Variants in SGK3 observed in about 807,000 individuals in gnomAD.
The protein encoded by SGK3 is serum/glucocorticoid regulated kinase family member 3.
A neutral mutation model predicts 68.5 loss-of-function variants in SGK3; 47 were observed. That is an observed-to-expected ratio of 0.69 (90% CI 0.54 to 0.87). SGK3 has a LOEUF of 0.87. Among genes scored for constraint, SGK3 ranks in the 40% least tolerant of loss-of-function variants. The probability of loss-of-function intolerance (pLI) is 0.00; values close to 1 mark genes in which losing one functional copy is unlikely to be tolerated. For synonymous variants in SGK3, 181 were observed against 189.1 expected (o/e 0.96, Z 0.35); for missense variants, 479 against 575.5 (o/e 0.83, Z 1.72).
chr8:66,779,614 TTA>T (rs1319928978), intron 1 of SGK3, among the ~76,000 whole-genome samples: 1 of 141,564 alleles, frequency 7.1e-6, no homozygotes, highest in African/African-American at 2.6e-5. Flanking sequence ...AACACATTTT[TTA>T]TATATATACG....
chr8:66,848,381 G>A (rs1810124576), intron 15 of SGK3, among the ~76,000 whole-genome samples: 1 of 152,140 alleles, frequency 6.6e-6, no homozygotes, highest in South Asian at 2.1e-4. Flanking sequence ...TCTCTGTGTA[G>A]CTTACTCTCT....
intron 3 of SGK3, among the ~76,000 whole-genome samples, chr8:66,801,154 C>A (rs1320919004): frequency 2.0e-5 from 3 of 152,122 alleles, no homozygotes; most frequent in African/African-American, 7.2e-5. Flanking sequence ...CAAATTTTTT[C>A]AAATTTTGGA....
rs143328687 is a variant in SGK3, at chr8:66,825,227, C to G, written c.417+2768C>G. On this transcript the variant is annotated intron_variant, in intron 6 of 16. Coordinates refer to ENST00000521198, the MANE Select transcript of SGK3 (RefSeq NM_001033578.3). ...TTTTCATCCATAGTGTCTGAAACTT[C>G]CACTAGAATCCCTTGAGGTTTTAAA... is the stretch of plus-strand genomic sequence containing the variant. 3.3e-5 allele frequency among the ~76,000 whole-genome samples: 5 copies of G among 151,916 alleles called. No homozygotes were observed. The East Asian group carries it at 9.7e-4, about 29-fold the overall frequency.
intron 1 of SGK3, among the ~76,000 whole-genome samples, chr8:66,777,585 A>T (rs1281239961): frequency 1.3e-5 from 2 of 152,154 alleles, no homozygotes; most frequent in Non-Finnish European, 2.9e-5. Context: ...ACGTTATTTC[A>T]TCTGTCATTT....
chr8:66,762,130 G>A (rs555067534), intron 1 of SGK3, among the ~76,000 whole-genome samples: 5 of 152,102 alleles, frequency 3.3e-5, no homozygotes, highest in African/African-American at 1.2e-4. Context: ...TACCATGCCC[G>A]GCTAACTTTT....
At chr8:66,849,591 ATAT>A (rs1164248502) in intron 15 of SGK3, among the ~76,000 whole-genome samples, 1 of 145,040 alleles carries the variant, frequency 6.9e-6, no homozygotes, top group African/African-American at 2.6e-5. Context: ...TTTTGGGGGA[ATAT>A]TTTTTTTTTT....
At chr8:66,834,196 G>A (rs145361740) in intron 8 of SGK3, among the ~76,000 whole-genome samples, 1 of 151,484 alleles carries the variant, frequency 6.6e-6, no homozygotes, top group Non-Finnish European at 1.5e-5. Context: ...ATACATTGTA[G>A]TGTGTCATAT....
chr8:66,854,161 C>T (rs1563662111), intron 16 of SGK3, among the ~76,000 whole-genome samples: 1 of 152,154 alleles, frequency 6.6e-6, no homozygotes, highest in Admixed American at 6.6e-5. Context: ...ATACAACTTG[C>T]TAAGGGTTTT....
intron 1 of SGK3, among the ~76,000 whole-genome samples, chr8:66,788,402 A>G (rs1807296979): frequency 6.6e-6 from 1 of 152,212 alleles, no homozygotes; most frequent in Non-Finnish European, 1.5e-5. Context: ...GGAACCACAG[A>G]CAGTGATTGC....
Position 66,839,986 on chromosome 8 carries a change from C to T in SGK3, c.742-17C>T. On this transcript the variant is annotated splice_polypyrimidine_tract_variant and intron_variant, in intron 10 of 16. Transcript: ENST00000521198. ...CTAACATTCTCTCTCCCCCCACCCC[C>T]ACAACCAATTTGACAGCTTTTTTTC... 2 of 1,612,132 alleles carry T rather than the reference C, an allele frequency of 1.2e-6. No homozygotes were observed. The highest frequency in any genetic ancestry group is 1.7e-5 in the Admixed American group (1 of 59,714).
At chr8:66,775,612 C>T (rs1806675664) in intron 1 of SGK3, 1 of 152,294 alleles carries the variant, frequency 6.6e-6, no homozygotes, top group African/African-American at 2.4e-5. Context: ...CACACACACC[C>T]CCTCTAAATG....
At chr8:66,829,714 A>G (rs1022545480) in intron 7 of SGK3, among the ~76,000 whole-genome samples, 1 of 152,170 alleles carries the variant, frequency 6.6e-6, no homozygotes, top group Non-Finnish European at 1.5e-5. Flanking sequence ...AGAGGAGAGG[A>G]CAGCGGGTAG....
At chr8:66,781,562 G>A (rs1417385299) in intron 1 of SGK3, among the ~76,000 whole-genome samples, 4 of 152,126 alleles carry the variant, frequency 2.6e-5, no homozygotes, top group African/African-American at 9.7e-5. Context: ...GGCTGTCAGT[G>A]GTTACTTCCA....
At chr8:66,806,799 G>A (rs1339575540) in intron 4 of SGK3, among the ~76,000 whole-genome samples, 2 of 141,866 alleles carry the variant, frequency 1.4e-5, no homozygotes, top group East Asian at 2.0e-4. Context: ...GGGCAACAGA[G>A]CAAGACTCTG....
At chr8:66,810,089 A>G (rs999583161) in intron 4 of SGK3, among the ~76,000 whole-genome samples, 6 of 152,226 alleles carry the variant, frequency 3.9e-5, no homozygotes, top group African/African-American at 1.4e-4. Flanking sequence ...AAGAGAGAAG[A>G]AGAACTAAGT....
intron 6 of SGK3, among the ~76,000 whole-genome samples, chr8:66,827,059 A>G (rs776874946): frequency 1.3e-4 from 20 of 152,200 alleles, no homozygotes; most frequent in Non-Finnish European, 1.5e-4. Context: ...TAAATACTAC[A>G]TATGTCTATA....
chr8:66,842,550 A>G (rs1448257903), intron 13 of SGK3, among the ~76,000 whole-genome samples: 1 of 152,184 alleles, frequency 6.6e-6, no homozygotes, highest in African/African-American at 2.4e-5. Context: ...TGTATTTCAT[A>G]TGGGAAGAGG....
At chr8:66,821,379 G>A (rs75441069) in intron 5 of SGK3, among the ~76,000 whole-genome samples, 1 of 151,948 alleles carries the variant, frequency 6.6e-6, no homozygotes, top group African/African-American at 2.4e-5. Context: ...CTGTTGACTG[G>A]TATTCCCTAT....
intron 1 of SGK3, among the ~76,000 whole-genome samples, chr8:66,732,468 A>C (rs1157622358): frequency 6.6e-6 from 1 of 151,550 alleles, no homozygotes; most frequent in Non-Finnish European, 1.5e-5. Flanking sequence ...AGCCTGGGTG[A>C]CAGTACGAGA....
Sources: gnomAD v4.1 joint callset for allele counts (sites outside exome capture counted in the v4.1 genomes callset) on GRCh38, gnomAD v4.1.1 for gene constraint, MANE v1.5 for transcripts, NCBI Gene and HGNC (gene_info 2026-07-23, HGNC 2026-07-21) for gene names.